The following ZNF823 variants were observed in gnomAD, a reference collection of about 807,000 sequenced individuals.
The protein encoded by ZNF823 is zinc finger protein 823.
Under a neutral mutation model 11.4 loss-of-function variants are expected in ZNF823, and 5 were observed. The ratio of observed to expected loss-of-function variants is 0.44; its 90% CI spans 0.23 to 0.92. The LOEUF is 0.92. Among genes scored for constraint, ZNF823 ranks in the 40% least tolerant of loss-of-function variants. The probability of loss-of-function intolerance (pLI) is 0.24; values close to 1 mark genes in which losing one functional copy is unlikely to be tolerated. For synonymous variants in ZNF823, 234 were observed against 250.5 expected, an observed-to-expected ratio of 0.93 and a Z score of 0.62; for missense variants, 582 against 738.5, an observed-to-expected ratio of 0.79 and a Z score of 2.46.
At chr19:11,724,454 AC>A (rs1374026450) in intron 2 of ZNF823, among the ~76,000 whole-genome samples, 200 bp from the exon 3 acceptor site, 1 of 151,716 alleles carries the variant, frequency 6.6e-6, no homozygotes, top group Non-Finnish European at 1.5e-5. Context: ...AGCAAGACCA[AC>A]CCCTCCCCTT....
intron 1 of ZNF823, among the ~76,000 whole-genome samples, chr19:11,737,583 T>TTTTC (rs1975016938): frequency 1.2e-5 from 1 of 80,552 alleles, no homozygotes. Flanking sequence ...TTTTTTTTTT[T>TTTTC]CACACTGGAG....
chr19:11,730,125 A>AC (rs1974866712), intron 1 of ZNF823, among the ~76,000 whole-genome samples: 1 of 151,876 alleles, frequency 6.6e-6, no homozygotes, highest in African/African-American at 2.4e-5. Context: ...ACAGGGTTTC[A>AC]CCATGTTGGT....
At chr19:11,733,798 T>C (rs907248012) in intron 1 of ZNF823, among the ~76,000 whole-genome samples, 3 of 152,158 alleles carry the variant, frequency 2.0e-5, no homozygotes, top group Non-Finnish European at 4.4e-5. Flanking sequence ...AACCAAAAGG[T>C]GTCTTTCTCT....
Position 11,721,581 on chromosome 19 carries a change from A to C in ZNF823, c.*120T>G. 2 of 1,032,116 alleles carry C rather than the reference A, an allele frequency of 1.9e-6. No individual in the cohort carries two copies. The highest frequency in any genetic ancestry group is 3.5e-5 in the South Asian group (2 of 56,808). The allele number at this position is 1,032,116 out of a possible 1,614,324, so 63.9% of individuals were successfully genotyped here. ...ATATATTGGGGGATAACTGTATTTA[A>C]AAAAATTGAAACTACTTAAGGCTTT... is the stretch of plus-strand genomic sequence containing the variant. On this transcript the variant is annotated 3_prime_UTR_variant, in exon 4 of 4. Coordinates refer to ENST00000341191, the MANE Select transcript of ZNF823 (RefSeq NM_001080493.4).
rs1159133711 is a variant in ZNF823, at chr19:11,721,900, T to G, written c.1634A>C (p.His545Pro). 6.2e-7 allele frequency: 1 copy of G among 1,614,140 alleles called. No homozygotes were observed. Among genetic ancestry groups the G allele is most frequent in the Non-Finnish European group, 8.5e-7 (1 of 1,180,006 alleles). ...TTTCTCTCCAGTGTGAATTCTTTCA[T>G]GTCGTAGAAGGCAAGTGAGCCAAGA... ...AFSWLTCLLR[H>P]ERIHTGEKPY... Residue 545 changes from histidine (H) to proline (P), a missense_variant, in exon 4 of 4, where the codon CAT (histidine) becomes CCT (proline). His to Pro is a moderately conservative substitution (Grantham distance 77, BLOSUM62 -2). Coordinates refer to ENST00000341191, the MANE Select transcript of ZNF823 (RefSeq NM_001080493.4).
chr19:11,724,017 G>T (rs1034713729), intron 3 of ZNF823, among the ~76,000 whole-genome samples, 177 bp downstream of exon 3: 1 of 152,028 alleles, frequency 6.6e-6, no homozygotes, highest in Non-Finnish European at 1.5e-5. Flanking sequence ...CTCCCACCTT[G>T]GCCTCCCAAA....
intron 1 of ZNF823, among the ~76,000 whole-genome samples, chr19:11,730,090 A>G (rs1334219528): frequency 1.3e-5 from 2 of 151,826 alleles, no homozygotes; most frequent in African/African-American, 4.8e-5. Context: ...CATCATGCCC[A>G]GCTAATTTTG....
intron 1 of ZNF823, among the ~76,000 whole-genome samples, chr19:11,732,169 C>CTTTTTTTT (rs1170787951): frequency 0.31 from 41,395 of 133,902 alleles, 6,712 homozygotes; most frequent in South Asian, 0.38. Context: ...AAAGGTTTCC[C>CTTTTTTTT]TTTTTTTTTT....
intron 1 of ZNF823, among the ~76,000 whole-genome samples, chr19:11,737,629 T>C (rs547903452): frequency 6.7e-6 from 1 of 150,276 alleles, no homozygotes; most frequent in South Asian, 2.1e-4. Context: ...ACATGTGAAA[T>C]GTTCACAAAC....
At chr19:11,729,018 C>CA (rs1451315484) in intron 1 of ZNF823, among the ~76,000 whole-genome samples, 2 of 151,778 alleles carry the variant, frequency 1.3e-5, no homozygotes, top group African/African-American at 2.4e-5. Flanking sequence ...ACTAAAAATA[C>CA]AAAAAAATTA....
At chr19:11,729,128 T>C (rs1216637397) in intron 1 of ZNF823, among the ~76,000 whole-genome samples, 1 of 151,614 alleles carries the variant, frequency 6.6e-6, no homozygotes, top group Non-Finnish European at 1.5e-5. Flanking sequence ...TGAGCCGAGA[T>C]TGTGCCACCT....
chr19:11,738,911 T>C lies in ZNF823; in HGVS notation c.-92A>G. ...TGATACAGACCTTCCAGGGCGTCTCTCTCTCAGCGCCAGAGCCAGGACTCA... is the reference window on the plus strand; with the variant it reads ...TGATACAGACCTTCCAGGGCGTCTCCCTCTCAGCGCCAGAGCCAGGACTCA... On this transcript the variant is annotated 5_prime_UTR_variant, in exon 1 of 4. Coordinates refer to ENST00000341191, the MANE Select transcript of ZNF823 (RefSeq NM_001080493.4). 4 of 1,492,066 alleles carry C rather than the reference T, an allele frequency of 2.7e-6. No homozygotes were observed. The highest frequency in any genetic ancestry group is 3.6e-6 in the Non-Finnish European group (4 of 1,112,162). The allele number at this position is 1,492,066 out of a possible 1,614,324, so 92.4% of individuals were successfully genotyped here.
chr19:11,721,558 A>G lies in ZNF823; in HGVS notation c.*143T>C. The stretch of plus-strand genomic sequence containing the variant: ...GGTGCTGGAACCAATCCCCTGCAAT[A>G]TATTGGGGGATAACTGTATTTAAAA... On this transcript the variant is annotated 3_prime_UTR_variant, in exon 4 of 4. Transcript: ENST00000341191. The G allele has an allele frequency of 1.3e-6, 1 of 793,006 alleles. No individual in the cohort carries two copies. 49.1% of individuals were successfully genotyped at this position (793,006 alleles called of 1,614,324 possible). A position where few individuals can be genotyped will look rare whatever the true frequency, so the allele number is the denominator to read the frequency against.
chr19:11,727,328 G>C (rs1301419093), intron 1 of ZNF823, among the ~76,000 whole-genome samples: 1 of 151,974 alleles, frequency 6.6e-6, no homozygotes, highest in African/African-American at 2.4e-5. Flanking sequence ...GGCCAACATG[G>C]TGAAACCCCG....
In ZNF823 at chr19:11,722,623, T is replaced by G; in HGVS notation, c.911A>C (p.Tyr304Ser). The G allele has an allele frequency of 6.2e-7, 1 of 1,614,072 alleles. No individual in the cohort carries two copies. The highest frequency in any genetic ancestry group is 8.5e-7 in the Non-Finnish European group (1 of 1,179,994). ...HERTHTGEQP[Y>S]ACKQCGKTFY... ...CGTTTTCCCACATTGCTTACATGCA[T>G]AGGGTTGTTCTCCCGTGTGAGTCCT... The change falls in exon 4 of 4, where the codon TAT (tyrosine) becomes TCT (serine). Residue 304 changes from tyrosine (Y) to serine (S), a missense_variant. By Grantham distance (144) the Tyr-to-Ser change is moderately radical. Transcript: ENST00000341191. This position sits in a 1 kb window ranked among gnomAD's most constrained non-coding sequence, Gnocchi z 5.2.
intron 1 of ZNF823, among the ~76,000 whole-genome samples, chr19:11,729,267 G>T (rs559764090): frequency 6.6e-6 from 1 of 151,780 alleles, no homozygotes; most frequent in Non-Finnish European, 1.5e-5. Context: ...TAAATATAAA[G>T]GTATGGAGGA....
rs753578171 is a variant in ZNF823 at position 11,738,839 on chromosome 19, CG to C, written c.-21del. ...CACCATTTCCCAGCTTCCAGGTGTC[CG>C]GGTGTCCTCCTTAAAAGCCAGTGTG... On this transcript the variant is annotated 5_prime_UTR_variant, in exon 1 of 4. Coordinates refer to ENST00000341191, the MANE Select transcript of ZNF823 (RefSeq NM_001080493.4). 6.2e-7 allele frequency: 1 copy of C among 1,608,262 alleles called. No homozygotes were observed. Among genetic ancestry groups the C allele is most frequent in the South Asian group, 1.1e-5 (1 of 90,178 alleles).
At chr19:11,733,188 G>C (rs984093665) in intron 1 of ZNF823, among the ~76,000 whole-genome samples, 1 of 151,962 alleles carries the variant, frequency 6.6e-6, no homozygotes, top group Non-Finnish European at 1.5e-5. Flanking sequence ...CCAACATGGT[G>C]AAACCCCGTC....
In ZNF823 at chr19:11,721,634, T is replaced by C; in HGVS notation, c.*67A>G. 1 of 1,457,476 alleles carries C rather than the reference T, an allele frequency of 6.9e-7. No individual in the cohort carries two copies. The highest frequency in any genetic ancestry group is 2.3e-5 in the East Asian group (1 of 43,848). The allele number at this position is 1,457,476 out of a possible 1,614,324, so 90.3% of individuals were successfully genotyped here. ...CCCATGTTTACATTCATAGGGTCTA[T>C]CTCCAAAGTGAGTTCTTTCAAGTTT... On this transcript the variant is annotated 3_prime_UTR_variant, in exon 4 of 4. Transcript: ENST00000341191.
Sources: gnomAD v4.1 joint callset for allele counts (sites outside exome capture counted in the v4.1 genomes callset) on GRCh38, gnomAD v4.1.1 for gene constraint, Gnocchi (gnomAD v3.1) non-coding constraint, MANE v1.5 for transcripts, NCBI Gene and HGNC (gene_info 2026-07-23, HGNC 2026-07-21) for gene names.